FAM185A: variants seen among roughly 807,000 people sequenced by gnomAD.
FAM185A encodes protein FAM185A.
A neutral mutation model predicts 45.7 loss-of-function variants in FAM185A; 21 were observed. The ratio of observed to expected loss-of-function variants is 0.46; its 90% CI spans 0.33 to 0.66. The LOEUF (loss-of-function observed/expected upper bound fraction) is 0.66. FAM185A is among the 30% of genes least tolerant of loss of function. FAM185A has a pLI of 0.03. For missense variants in FAM185A, 305 were observed against 485.4 expected (o/e 0.63, Z 3.49); for synonymous variants, 117 against 194.0 (o/e 0.60, Z 3.30).
chr7:102,834,960 A>T, the FAM185A span, among the ~76,000 whole-genome samples: 1 of 151,086 alleles, frequency 6.6e-6, no homozygotes, highest in South Asian at 2.1e-4. Flanking sequence ...TACAATTTTT[A>T]TTTGTCAGTT....
chr7:102,839,963 T>C, the FAM185A span, among the ~76,000 whole-genome samples: 5 of 152,186 alleles, frequency 3.3e-5, no homozygotes, highest in African/African-American at 9.7e-5. Context: ...ATGCTTTCTC[T>C]AGAGACACCT....
rs763587184 is a variant in FAM185A, at chr7:102,779,550, ATGTT to A, written c.931+2205_931+2208del. ...TCCATGATTTTCTACTTTTGAAAGT[ATGTT>A]TGGTAGAAAAACGTGTCTTCTATTT... On this transcript the variant is annotated intron_variant, in intron 6 of 7. Coordinates refer to ENST00000413034, the MANE Select transcript of FAM185A (RefSeq NM_001145268.2). 1.6e-3 allele frequency among the ~76,000 whole-genome samples: 238 copies of A among 152,314 alleles called. 1 individual carries two copies. The highest frequency in any genetic ancestry group is 2.8e-3 in the Non-Finnish European group (188 of 68,018).
At chr7:102,824,958 T>C in the FAM185A span, among the ~76,000 whole-genome samples, 44 of 152,292 alleles carry the variant, frequency 2.9e-4, no homozygotes, top group African/African-American at 1.0e-3. Flanking sequence ...TAGTGCATTC[T>C]TATACTACTT....
intron 4 of FAM185A, among the ~76,000 whole-genome samples, chr7:102,765,304 G>A (rs938708738): frequency 7.2e-5 from 11 of 152,202 alleles, no homozygotes; most frequent in East Asian, 3.9e-4. Flanking sequence ...GACATTTATC[G>A]TGCTTTATGA....
chr7:102,785,013 A>G (rs563951711), intron 6 of FAM185A, among the ~76,000 whole-genome samples: 23 of 151,910 alleles, frequency 1.5e-4, no homozygotes, highest in Non-Finnish European at 1.9e-4. Flanking sequence ...ATGTGCAAAA[A>G]TCACAAGCAT....
At chr7:102,814,619 T>C in the FAM185A span, among the ~76,000 whole-genome samples, 3 of 152,242 alleles carry the variant, frequency 2.0e-5, no homozygotes. Flanking sequence ...TATTATTGGC[T>C]CTCACACAAA....
chr7:102,818,128 A>AT, the FAM185A span, among the ~76,000 whole-genome samples: 1 of 152,198 alleles, frequency 6.6e-6, no homozygotes, highest in Non-Finnish European at 1.5e-5. Flanking sequence ...AAAAAAGGGA[A>AT]TGTTGGAGCC....
the FAM185A span, among the ~76,000 whole-genome samples, chr7:102,848,032 C>T: frequency 6.6e-6 from 1 of 152,122 alleles, no homozygotes; most frequent in Admixed American, 6.5e-5. Flanking sequence ...CATAGATGTA[C>T]CTTTACATAT....
chr7:102,751,006 C>T lies in FAM185A; in HGVS notation c.452-686C>T, dbSNP rs528573144. Among the ~76,000 whole-genome samples the T allele has an allele frequency of 2.1e-4, 32 of 152,232 alleles. No homozygotes were observed. In the South Asian group the frequency reaches 3.9e-3, roughly 19 times the overall value. ...ATGGCCCACTGCAGTCTTGACTTCA[C>T]GGTTTTAAGCAATCTTCTCGCCTCC... On this transcript the variant is annotated intron_variant, in intron 1 of 7. Transcript: ENST00000413034.
At chr7:102,758,996 G>A (rs547279586) in intron 3 of FAM185A, among the ~76,000 whole-genome samples, 2 of 152,134 alleles carry the variant, frequency 1.3e-5, no homozygotes, top group Admixed American at 6.5e-5. Flanking sequence ...CTTAGACCCC[G>A]TGGGAGGTTG....
downstream of FAM185A, among the ~76,000 whole-genome samples, chr7:102,812,139 CG>C (rs1797469461): frequency 6.6e-6 from 1 of 152,122 alleles, no homozygotes; most frequent in Non-Finnish European, 1.5e-5. Flanking sequence ...GGCTTGTTTG[CG>C]GCAGTCAGAA....
At chr7:102,840,339 G>T in the FAM185A span, among the ~76,000 whole-genome samples, 4 of 152,148 alleles carry the variant, frequency 2.6e-5, no homozygotes, top group Non-Finnish European at 5.9e-5. Context: ...TTTTCTTGTT[G>T]CCTGTGGCAT....
At chr7:102,831,425 A>ACACACC in the FAM185A span, among the ~76,000 whole-genome samples, 1 of 150,994 alleles carries the variant, frequency 6.6e-6, no homozygotes, top group African/African-American at 2.5e-5. Context: ...ACACACACAC[A>ACACACC]CACACACCCC....
chr7:102,819,697 ATC>A, the FAM185A span, among the ~76,000 whole-genome samples: 1 of 152,198 alleles, frequency 6.6e-6, no homozygotes, highest in South Asian at 2.1e-4. Flanking sequence ...AGCCAGAAAA[ATC>A]TCTCTTATCC....
chr7:102,827,663 C>T, the FAM185A span, among the ~76,000 whole-genome samples: 4 of 151,984 alleles, frequency 2.6e-5, no homozygotes, highest in African/African-American at 9.7e-5. Context: ...TCTCGTAATG[C>T]TATTCCTCCC....
chr7:102,802,651 A>G (rs1472726261), intron 7 of FAM185A, among the ~76,000 whole-genome samples: 1 of 152,216 alleles, frequency 6.6e-6, no homozygotes, highest in Non-Finnish European at 1.5e-5. Flanking sequence ...TAGAGAAACA[A>G]GAACAAACCA....
chr7:102,786,442 A>G (rs1215557358), intron 6 of FAM185A, among the ~76,000 whole-genome samples: 1 of 152,226 alleles, frequency 6.6e-6, no homozygotes, highest in African/African-American at 2.4e-5. Flanking sequence ...ATGTCCAACA[A>G]TGACAGACTG....
In FAM185A at chr7:102,749,218, C is replaced by G; in HGVS notation, c.11C>G (p.Pro4Arg). Residue 4 changes from proline to arginine, a missense_variant, in exon 1 of 8, where the codon CCC (proline) becomes CGC (arginine). By Grantham distance (103) the Pro-to-Arg change is moderately radical. Coordinates refer to ENST00000413034, the MANE Select transcript of FAM185A (RefSeq NM_001145268.2). ...CGAGAGAGGCGCGCCATGCTTGCCC[C>G]CTGCTCAGGTTGGGAGCTTGGCTGC... Reference protein sequence around the residue: MLAPCSGWELGCFR... With the variant: MLARCSGWELGCFR... 6.4e-6 allele frequency: 10 copies of G among 1,551,318 alleles called. No homozygotes were observed. The highest frequency in any genetic ancestry group is 8.7e-6 in the Non-Finnish European group (10 of 1,146,902).
chr7:102,753,464 G>A (rs974814691), intron 2 of FAM185A, among the ~76,000 whole-genome samples: 2 of 152,014 alleles, frequency 1.3e-5, no homozygotes, highest in Non-Finnish European at 2.9e-5. Flanking sequence ...TCAGTCAGGT[G>A]ATTTGTTGTG....
Sources: gnomAD v4.1 joint callset for allele counts (sites outside exome capture counted in the v4.1 genomes callset) on GRCh38, gnomAD v4.1.1 for gene constraint, MANE v1.5 for transcripts, NCBI Gene and HGNC (gene_info 2026-07-23, HGNC 2026-07-21) for gene names.